The following ZNF585A variants were observed in gnomAD, a reference collection of about 807,000 sequenced individuals.
ZNF585A encodes the protein zinc finger protein 585A.
A neutral mutation model predicts 14.9 loss-of-function variants in ZNF585A; 9 were observed. The observed-to-expected ratio is 0.60, with a 90% confidence interval of 0.36 to 1.05. The LOEUF (loss-of-function observed/expected upper bound fraction) is 1.05. Among genes scored for constraint, ZNF585A ranks in the 50% least tolerant of loss-of-function variants. The pLI is 0.01. For missense variants in ZNF585A, 726 were observed against 926.4 expected, an observed-to-expected ratio of 0.78 and a Z score of 2.81; for synonymous variants, 276 against 319.9, an observed-to-expected ratio of 0.86 and a Z score of 1.46.
chr19:37,150,815 G>A lies in ZNF585A; in HGVS notation c.*774C>T, dbSNP rs1971814734. 1 of 154,576 alleles carries A rather than the reference G, an allele frequency of 6.5e-6. No individual in the cohort carries two copies. The highest frequency in any genetic ancestry group is 1.9e-4 in the East Asian group (1 of 5,172). The allele number at this position is 154,576 out of a possible 1,614,324, so 9.6% of individuals were successfully genotyped here. On this transcript the variant is annotated 3_prime_UTR_variant, in exon 5 of 5. Transcript: ENST00000292841. The stretch of plus-strand genomic sequence containing the variant: ...CAGAAGGGAGATTTAAGTTGTCCCA[G>A]ATGACCATAAAATTCTTACCTCGGA...
intron 2 of ZNF585A, among the ~76,000 whole-genome samples, chr19:37,157,325 C>T (rs551307063): frequency 1.3e-5 from 2 of 152,100 alleles, no homozygotes; most frequent in Admixed American, 6.6e-5. Context: ...GAATGACCTG[C>T]GATATGCTTT....
At chr19:37,167,461 T>C (rs1392829940) in intron 2 of ZNF585A, among the ~76,000 whole-genome samples, 1 of 152,048 alleles carries the variant, frequency 6.6e-6, no homozygotes, top group Non-Finnish European at 1.5e-5. Context: ...GCACTGGGCC[T>C]GGCCCCAAAT....
chr19:37,159,248 CA>C (rs768272181), intron 2 of ZNF585A, among the ~76,000 whole-genome samples: 155 of 69,340 alleles, frequency 2.2e-3, no homozygotes, highest in East Asian at 6.1e-3. Context: ...GACTCCATCT[CA>C]AAAAAAAAAA....
At position 37,149,336 on chromosome 19, in the gene ZNF585A, C is replaced by T. The variant is rs1350335035; in HGVS notation, c.*2253G>A. On this transcript the variant is annotated 3_prime_UTR_variant, in exon 5 of 5. Coordinates refer to ENST00000292841, the MANE Select transcript of ZNF585A (RefSeq NM_001288800.2). ...AACTACTCTAAAAAATAAAGCCTTC[C>T]GTATATACGGGTATATGCATATACA... 5 of 151,944 alleles carry T rather than the reference C, an allele frequency of 3.3e-5. No homozygotes were observed. Among genetic ancestry groups the T allele is most frequent in the East Asian group, 1.9e-4 (1 of 5,192 alleles). 9.4% of individuals were successfully genotyped at this position (151,944 alleles called of 1,614,324 possible).
chr19:37,158,714 T>G (rs991726862), intron 2 of ZNF585A, among the ~76,000 whole-genome samples: 3 of 152,198 alleles, frequency 2.0e-5, no homozygotes, highest in Non-Finnish European at 4.4e-5. Flanking sequence ...TGAACCAATC[T>G]TAAAAAAATA....
rs57916401 is a variant in ZNF585A, at chr19:37,153,149, T to C, written c.750A>G (p.Ala250=). 0.36 allele frequency: 588,097 copies of C among 1,613,570 alleles called. 111,159 individuals carry two copies. Among genetic ancestry groups the C allele is most frequent in the African/African-American group, 0.54 (40,095 of 74,884 alleles). Residue 250 remains alanine (A), a synonymous_variant, in exon 5 of 5, where the codon GCA becomes GCG. Coordinates refer to ENST00000292841, the MANE Select transcript of ZNF585A (RefSeq NM_001288800.2). ...RHHECTDCGK[A]FTQKSTLKMH... is the part of the protein sequence containing the mutation. ...TCTTGAGTGTGGACTTTTGTGTGAA[T>C]GCTTTGCCACAGTCAGTGCATTCAT...
rs1238837304 is a variant in ZNF585A at position 37,151,417 on chromosome 19, G to A, written c.*172C>T. 4 of 567,012 alleles carry A rather than the reference G, an allele frequency of 7.1e-6. No individual in the cohort carries two copies. Among genetic ancestry groups the A allele is most frequent in the Admixed American group, 3.2e-5 (1 of 30,972 alleles). 35.1% of individuals were successfully genotyped at this position (567,012 alleles called of 1,614,324 possible). On this transcript the variant is annotated 3_prime_UTR_variant, in exon 5 of 5. Coordinates refer to ENST00000292841, the MANE Select transcript of ZNF585A (RefSeq NM_001288800.2). The stretch of plus-strand genomic sequence containing the variant: ...ACTGGGGATGGTGACAATGTAGGAA[G>A]GGTCCCTCGCCTCATTCAGTGCCTT...
intron 2 of ZNF585A, among the ~76,000 whole-genome samples, chr19:37,164,189 C>T (rs1027100299): frequency 2.3e-4 from 35 of 152,198 alleles, no homozygotes; most frequent in African/African-American, 7.9e-4. Context: ...GAGGCCGAAG[C>T]GGGTGGATCA....
At chr19:37,161,122 A>G (rs959809582) in intron 2 of ZNF585A, among the ~76,000 whole-genome samples, 30 of 152,132 alleles carry the variant, frequency 2.0e-4, no homozygotes, top group African/African-American at 6.8e-4. Flanking sequence ...AAACACTTCC[A>G]AACTAATATT....
rs1972155773 is a variant in ZNF585A at position 37,169,954 on chromosome 19, C to T, written c.-44G>A. On this transcript the variant is annotated 5_prime_UTR_variant, in exon 2 of 5. Coordinates refer to ENST00000292841, the MANE Select transcript of ZNF585A (RefSeq NM_001288800.2). The stretch of plus-strand genomic sequence containing the variant: ...CCCTTTTTCTGTAGGGTGTCTGAAG[C>T]TTGGCAGTCATCTGTGAACTCAAGC... 2 of 1,594,326 alleles carry T rather than the reference C, an allele frequency of 1.3e-6. No individual in the cohort carries two copies. The highest frequency in any genetic ancestry group is 2.3e-5 in the East Asian group (1 of 44,428).
Position 37,156,290 on chromosome 19 carries a change from A to C in ZNF585A, c.138T>G (p.Pro46=), listed in dbSNP as rs746484192. 1 of 1,614,156 alleles carries C rather than the reference A, an allele frequency of 6.2e-7. No individual in the cohort carries two copies. Among genetic ancestry groups the C allele is most frequent in the South Asian group, 1.1e-5 (1 of 91,082 alleles). The change falls in exon 3 of 5, where the codon CCT becomes CCG. Residue 46 remains proline, a synonymous_variant. Coordinates refer to ENST00000292841, the MANE Select transcript of ZNF585A (RefSeq NM_001288800.2). ...CATCCCGGTACAGGTTTCTCTGAGA[A>C]GGGTCCAGGTGCCGCCATTCCTCTC... ...FSREEWRHLD[P]SQRNLYRDVM...
In ZNF585A at chr19:37,169,974, T is replaced by A. The variant is rs192390694; in HGVS notation, c.-64A>T. The A allele has an allele frequency of 9.7e-4, 1,526 of 1,568,376 alleles. 4 individuals are homozygous for A. The highest frequency in any genetic ancestry group is 1.2e-3 in the Non-Finnish European group (1,444 of 1,159,526). On this transcript the variant is annotated 5_prime_UTR_variant, in exon 2 of 5. Transcript: ENST00000292841. ...TGAAGCTTGGCAGTCATCTGTGAACTCAAGCAGAGCTGCTCTGAAGAGATG... is the reference window on the plus strand; with the variant it reads ...TGAAGCTTGGCAGTCATCTGTGAACACAAGCAGAGCTGCTCTGAAGAGATG...
rs957073968 is a variant in ZNF585A at position 37,146,524 on chromosome 19, T to C, written c.*5065A>G. On this transcript the variant is annotated 3_prime_UTR_variant, in exon 5 of 5. Transcript: ENST00000292841. Reference sequence around the variant, plus strand: ...GCTGACTTTGGCCACGGGGTCAATGTCTGCCACACTGCATCACATCCATTA... The same window carrying C: ...GCTGACTTTGGCCACGGGGTCAATGCCTGCCACACTGCATCACATCCATTA... The C allele has an allele frequency of 2.0e-5, 3 of 152,276 alleles. No homozygotes were observed. The highest frequency in any genetic ancestry group is 7.2e-5 in the African/African-American group (3 of 41,448). The allele number at this position is 152,276 out of a possible 1,614,324, so 9.4% of individuals were successfully genotyped here.
chr19:37,148,187 G>A lies in ZNF585A; in HGVS notation c.*3402C>T, dbSNP rs190873952. The A allele has an allele frequency of 8.2e-4, 124 of 152,140 alleles. No homozygotes were observed. Among genetic ancestry groups the A allele is most frequent in the African/African-American group, 2.5e-3 (104 of 41,518 alleles). The allele number at this position is 152,140 out of a possible 1,614,324, so 9.4% of individuals were successfully genotyped here. A position where few individuals can be genotyped will look rare whatever the true frequency, so the allele number is the denominator to read the frequency against. ...CTGTATTCTTGCCAATTTATGGCACGTTTTCATTTTTAGCCATTCTAAAAG... is the reference window on the plus strand; with the variant it reads ...CTGTATTCTTGCCAATTTATGGCACATTTTCATTTTTAGCCATTCTAAAAG... On this transcript the variant is annotated 3_prime_UTR_variant, in exon 5 of 5. Transcript: ENST00000292841.
chr19:37,164,083 C>G (rs1972050905), intron 2 of ZNF585A, among the ~76,000 whole-genome samples: 1 of 152,132 alleles, frequency 6.6e-6, no homozygotes, highest in Non-Finnish European at 1.5e-5. Context: ...TATTTACTAT[C>G]TGTGCACCAA....
chr19:37,171,770 G>A (rs1298164183), intron 1 of ZNF585A, among the ~76,000 whole-genome samples: 1 of 152,122 alleles, frequency 6.6e-6, no homozygotes, highest in Non-Finnish European at 1.5e-5. Context: ...GGGCGTGGTG[G>A]CGGGTGCCTC....
At chr19:37,162,809 A>C (rs1972031687) in intron 2 of ZNF585A, among the ~76,000 whole-genome samples, 1 of 152,254 alleles carries the variant, frequency 6.6e-6, no homozygotes, top group East Asian at 1.9e-4. Context: ...AGGGAACAAC[A>C]CACACTGGGG....
At chr19:37,165,833 G>A (rs1040224880) in intron 2 of ZNF585A, 2 of 163,612 alleles carry the variant, frequency 1.2e-5, no homozygotes, top group East Asian at 3.8e-4. Flanking sequence ...TGTTGGAAAT[G>A]CTGAATCAAC....
In ZNF585A at chr19:37,145,735, C is replaced by T. The variant is rs1971734643; in HGVS notation, c.*5854G>A. On this transcript the variant is annotated 3_prime_UTR_variant, in exon 5 of 5. Transcript: ENST00000292841. ...TCACTAAGGATGTAACCTAATTGTG[C>T]TGATTTCACAGAGGGTGGAAAACAT... The T allele has an allele frequency of 6.6e-6, 1 of 152,156 alleles. No individual in the cohort carries two copies. Among genetic ancestry groups the T allele is most frequent in the Non-Finnish European group, 1.5e-5 (1 of 68,034 alleles). 9.4% of individuals were successfully genotyped at this position (152,156 alleles called of 1,614,324 possible). A position where few individuals can be genotyped will look rare whatever the true frequency, so the allele number is the denominator to read the frequency against.
Sources: gnomAD v4.1 joint callset for allele counts (sites outside exome capture counted in the v4.1 genomes callset) on GRCh38, gnomAD v4.1.1 for gene constraint, MANE v1.5 for transcripts, NCBI Gene and HGNC (gene_info 2026-07-23, HGNC 2026-07-21) for gene names.